The following CSNK2A2IP variants were observed in gnomAD, a reference collection of about 807,000 sequenced individuals.
CSNK2A2IP encodes the protein casein kinase 2 subunit alpha' interacting protein.
chr3:88,350,273 C>T, the CSNK2A2IP span, among the ~76,000 whole-genome samples: 54 of 152,014 alleles, frequency 3.6e-4, no homozygotes, highest in African/African-American at 1.2e-3. Flanking sequence ...TTCATTTTTC[C>T]CTTTCTCTGA....
chr3:88,409,666 C>A, the CSNK2A2IP span, among the ~76,000 whole-genome samples: 1 of 151,964 alleles, frequency 6.6e-6, no homozygotes, highest in South Asian at 2.1e-4. Context: ...ATGCACAGTA[C>A]TATTTGTGAG....
chr3:88,339,075 C>T, the CSNK2A2IP span, among the ~76,000 whole-genome samples: 12 of 152,156 alleles, frequency 7.9e-5, no homozygotes, highest in Non-Finnish European at 1.3e-4. Context: ...TAATTCCACT[C>T]TTTCAATTAT....
At chr3:88,376,246 ACTC>A in the CSNK2A2IP span, among the ~76,000 whole-genome samples, 2 of 151,148 alleles carry the variant, frequency 1.3e-5, no homozygotes, top group African/African-American at 4.9e-5. Context: ...CTCCTCTCCC[ACTC>A]TAAAACATAT....
At chr3:88,437,774 T>A in the CSNK2A2IP span, among the ~76,000 whole-genome samples, 3 of 152,226 alleles carry the variant, frequency 2.0e-5, no homozygotes, top group African/African-American at 7.2e-5. Context: ...TTGGATAGAC[T>A]ATCTCTGTAG....
the CSNK2A2IP span, among the ~76,000 whole-genome samples, chr3:88,393,686 G>A: frequency 9.8e-5 from 15 of 152,300 alleles, no homozygotes; most frequent in Admixed American, 2.6e-4. Flanking sequence ...TGATTGCTTC[G>A]TTTACTTTAT....
chr3:88,407,788 A>T, the CSNK2A2IP span, among the ~76,000 whole-genome samples: 1 of 152,022 alleles, frequency 6.6e-6, no homozygotes, highest in Non-Finnish European at 1.5e-5. Flanking sequence ...CAGTGGCGCG[A>T]TCTCGGCTCA....
the CSNK2A2IP span, among the ~76,000 whole-genome samples, chr3:88,422,386 A>G: frequency 6.6e-6 from 1 of 152,112 alleles, no homozygotes; most frequent in Non-Finnish European, 1.5e-5. Context: ...CCTGGTACAT[A>G]GTGAATACTC....
the CSNK2A2IP span, among the ~76,000 whole-genome samples, chr3:88,449,864 T>TAGAGAGAGAGAG: frequency 1.6e-5 from 1 of 60,748 alleles, no homozygotes; most frequent in African/African-American, 4.8e-5. Flanking sequence ...CATATATATA[T>TAGAGAGAGAGAG]ATATATATAT....
the CSNK2A2IP span, among the ~76,000 whole-genome samples, chr3:88,451,760 G>T: frequency 1.4e-5 from 2 of 143,282 alleles, no homozygotes; most frequent in Admixed American, 7.2e-5. Flanking sequence ...TTCTACTTCA[G>T]TTACTGAATT....
the CSNK2A2IP span, among the ~76,000 whole-genome samples, chr3:88,392,484 G>T: frequency 1.3e-5 from 2 of 152,128 alleles, no homozygotes; most frequent in African/African-American, 4.8e-5. Flanking sequence ...AGAAAACTAA[G>T]AAGGAATGGC....
chr3:88,433,527 C>T, the CSNK2A2IP span, among the ~76,000 whole-genome samples: 4 of 151,980 alleles, frequency 2.6e-5, no homozygotes, highest in Non-Finnish European at 5.9e-5. Context: ...TATAATTTAA[C>T]TCCATATGAA....
At chr3:88,452,024 C>A in the CSNK2A2IP span, among the ~76,000 whole-genome samples, 1 of 152,138 alleles carries the variant, frequency 6.6e-6, no homozygotes, top group South Asian at 2.1e-4. Context: ...TCTGGATGAA[C>A]TGCTCTGGAA....
the CSNK2A2IP span, among the ~76,000 whole-genome samples, chr3:88,355,290 C>A: frequency 2.6e-5 from 4 of 152,110 alleles, no homozygotes; most frequent in African/African-American, 4.8e-5. Context: ...ATTGGGTACA[C>A]AGAATGAAGA....
At chr3:88,404,130 A>G in the CSNK2A2IP span, among the ~76,000 whole-genome samples, 1 of 151,756 alleles carries the variant, frequency 6.6e-6, no homozygotes, top group Admixed American at 6.6e-5. Flanking sequence ...TGAAGGAGGG[A>G]TGGTTTAGAA....
the CSNK2A2IP span, among the ~76,000 whole-genome samples, chr3:88,395,268 A>C: frequency 1.3e-5 from 2 of 152,198 alleles, no homozygotes; most frequent in Non-Finnish European, 2.9e-5. Flanking sequence ...ATAATCATGA[A>C]AAATTTCTCC....
the CSNK2A2IP span, among the ~76,000 whole-genome samples, chr3:88,451,258 G>A: frequency 2.0e-5 from 3 of 152,014 alleles, no homozygotes; most frequent in Non-Finnish European, 4.4e-5. Flanking sequence ...AGCTAGGCAA[G>A]AAAGACAAAT....
the CSNK2A2IP span, among the ~76,000 whole-genome samples, chr3:88,431,540 C>T: frequency 3.3e-5 from 5 of 152,072 alleles, no homozygotes; most frequent in Admixed American, 2.0e-4. Flanking sequence ...ACCAAAATCT[C>T]GCAAATCACC....
chr3:88,368,229 G>A, the CSNK2A2IP span, among the ~76,000 whole-genome samples: 1 of 151,906 alleles, frequency 6.6e-6, no homozygotes, highest in East Asian at 1.9e-4. Context: ...TCCTCTTCTA[G>A]GCACTGGGGA....
At chr3:88,414,566 C>G in the CSNK2A2IP span, among the ~76,000 whole-genome samples, 699 of 151,946 alleles carry the variant, frequency 4.6e-3, 14 homozygotes, top group African/African-American at 0.016. Context: ...CAGGCATGAG[C>G]CACAGCACCT....
Sources: gnomAD v4.1 joint callset for allele counts (sites outside exome capture counted in the v4.1 genomes callset) on GRCh38, gnomAD v4.1.1 for gene constraint, MANE v1.5 for transcripts, NCBI Gene and HGNC (gene_info 2026-07-23, HGNC 2026-07-21) for gene names.